Variants in MACROD2 observed in about 807,000 individuals in gnomAD.
The protein encoded by MACROD2 is mono-ADP ribosylhydrolase 2.
In MACROD2, 36 loss-of-function variants were observed where a neutral mutation model predicts 70.4. The observed-to-expected ratio is 0.51, with a 90% confidence interval of 0.39 to 0.68. The LOEUF is 0.68. MACROD2 is among the 30% of genes least tolerant of loss of function. MACROD2 has a pLI of 0.00. For missense variants in MACROD2, 496 were observed against 538.4 expected (o/e 0.92, Z 0.78); for synonymous variants, 172 against 178.8 (o/e 0.96, Z 0.30).
chr20:14,220,849 G>A (rs1375818791), intron 3 of MACROD2, among the ~76,000 whole-genome samples: 5 of 152,200 alleles, frequency 3.3e-5, no homozygotes, highest in African/African-American at 1.2e-4. Context: ...CACTTCCGCA[G>A]GTGGGGCACT....
intron 5 of MACROD2, among the ~76,000 whole-genome samples, chr20:15,033,165 A>G (rs1285748454): frequency 2.6e-5 from 4 of 152,164 alleles, no homozygotes; most frequent in Non-Finnish European, 5.9e-5. Flanking sequence ...GTTGCACAAA[A>G]CCGTGGATGT....
intron 4 of MACROD2, among the ~76,000 whole-genome samples, chr20:14,511,549 A>G (rs1169396817): frequency 6.6e-6 from 1 of 151,678 alleles, no homozygotes; most frequent in African/African-American, 2.4e-5. Flanking sequence ...GCTTCATTAG[A>G]AACAACCTAA....
At chr20:14,863,523 C>G (rs2073395240) in intron 5 of MACROD2, among the ~76,000 whole-genome samples, 1 of 151,958 alleles carries the variant, frequency 6.6e-6, no homozygotes. Flanking sequence ...GTAACAATAT[C>G]AAAGCATATT....
chr20:15,866,053 A>G (rs1568605589), intron 9 of MACROD2, among the ~76,000 whole-genome samples: 1 of 152,132 alleles, frequency 6.6e-6, no homozygotes, highest in African/African-American at 2.4e-5. Context: ...ACAGGGAGGG[A>G]AGTTTAAGTA....
intron 5 of MACROD2, among the ~76,000 whole-genome samples, chr20:14,960,207 G>A (rs1459281474): frequency 6.6e-6 from 1 of 152,008 alleles, no homozygotes; most frequent in Admixed American, 6.6e-5. Context: ...CACACCCTTG[G>A]CTGGGAAACT....
chr20:14,559,517 C>T (rs1342254236), intron 4 of MACROD2, among the ~76,000 whole-genome samples: 2 of 151,740 alleles, frequency 1.3e-5, no homozygotes, highest in East Asian at 3.9e-4. Flanking sequence ...ATTCCTATTA[C>T]TCGATGCTTC....
At chr20:15,845,897 G>A (rs1176898110) in intron 8 of MACROD2, among the ~76,000 whole-genome samples, 1 of 152,164 alleles carries the variant, frequency 6.6e-6, no homozygotes, top group Non-Finnish European at 1.5e-5. Flanking sequence ...ACACAAAACT[G>A]TGACCAATGA....
intron 5 of MACROD2, among the ~76,000 whole-genome samples, chr20:15,157,020 C>T (rs2076311412): frequency 6.6e-6 from 1 of 152,160 alleles, no homozygotes; most frequent in Admixed American, 6.5e-5. Context: ...TTACAATTTC[C>T]TAGTCCATTA....
At chr20:14,910,351 GTAC>G (rs1220872819) in intron 5 of MACROD2, among the ~76,000 whole-genome samples, 1 of 152,186 alleles carries the variant, frequency 6.6e-6, no homozygotes, top group Non-Finnish European at 1.5e-5. Flanking sequence ...GTGTTATATA[GTAC>G]TGCAGCCCCT....
chr20:15,268,421 G>A (rs2077316017), intron 6 of MACROD2, among the ~76,000 whole-genome samples: 3 of 152,324 alleles, frequency 2.0e-5, no homozygotes, highest in Non-Finnish European at 1.5e-5. Flanking sequence ...GGAGGCCGAG[G>A]TGGGTGGATC....
chr20:14,949,160 C>A (rs1237781159), intron 5 of MACROD2, among the ~76,000 whole-genome samples: 1 of 152,150 alleles, frequency 6.6e-6, no homozygotes, highest in Non-Finnish European at 1.5e-5. Flanking sequence ...TACATTTAAC[C>A]AAGACCAAAA....
intron 3 of MACROD2, among the ~76,000 whole-genome samples, chr20:14,269,631 A>C (rs910708891): frequency 1.3e-5 from 2 of 152,214 alleles, no homozygotes; most frequent in Admixed American, 6.5e-5. Context: ...AAAAACATCT[A>C]TTTTCATACA....
chr20:14,387,727 G>C (rs1189236265), intron 3 of MACROD2, among the ~76,000 whole-genome samples: 1 of 152,212 alleles, frequency 6.6e-6, no homozygotes, highest in Non-Finnish European at 1.5e-5. Context: ...GGGGCTAAAG[G>C]ATGGTAGCTG....
At chr20:14,854,469 A>G (rs73897216) in intron 5 of MACROD2, among the ~76,000 whole-genome samples, 46 of 152,314 alleles carry the variant, frequency 3.0e-4, no homozygotes, top group African/African-American at 1.1e-3. Context: ...GGAATGTCCT[A>G]CTAAGCATGG....
chr20:15,152,495 A>G (rs142750498), intron 5 of MACROD2, among the ~76,000 whole-genome samples: 109 of 144,420 alleles, frequency 7.5e-4, no homozygotes, highest in South Asian at 1.8e-3. Flanking sequence ...ATAAGAGGTT[A>G]GGGCATGGAA....
chr20:15,636,503 G>T (rs183371254), intron 8 of MACROD2, among the ~76,000 whole-genome samples: 60 of 152,242 alleles, frequency 3.9e-4, no homozygotes, highest in African/African-American at 1.3e-3. Context: ...GGCAGTTAAT[G>T]GGTTCGGTTT....
At chr20:15,645,496 A>G (rs2049527529) in intron 8 of MACROD2, among the ~76,000 whole-genome samples, 1 of 152,216 alleles carries the variant, frequency 6.6e-6, no homozygotes, top group African/African-American at 2.4e-5. Context: ...TTTCTCTGAA[A>G]AACTCGGAAA....
intron 5 of MACROD2, 134 bp from the exon 6 acceptor site, chr20:15,229,806 G>A (rs1053030567): frequency 7.2e-6 from 6 of 834,466 alleles, no homozygotes; most frequent in Non-Finnish European, 8.3e-6. Flanking sequence ...AAATATTTGC[G>A]TCGCCAATGT....
intron 8 of MACROD2, among the ~76,000 whole-genome samples, chr20:15,528,244 C>T (rs2047748148): frequency 2.0e-5 from 3 of 152,174 alleles, no homozygotes; most frequent in South Asian, 2.1e-4. Context: ...AAACAATTCT[C>T]CTGCCTCAGC....
Sources: gnomAD v4.1 joint callset for allele counts (sites outside exome capture counted in the v4.1 genomes callset) on GRCh38, gnomAD v4.1.1 for gene constraint, MANE v1.5 for transcripts, NCBI Gene and HGNC (gene_info 2026-07-23, HGNC 2026-07-21) for gene names.